SSBP4: variants seen among roughly 807,000 people sequenced by gnomAD.
The protein encoded by SSBP4 is single-stranded DNA-binding protein 4.
In SSBP4, 33 loss-of-function variants were observed where a neutral mutation model predicts 64.6. The ratio of observed to expected loss-of-function variants is 0.51; its 90% CI spans 0.39 to 0.68. The LOEUF is 0.68. SSBP4 is among the 30% of genes least tolerant of loss of function. The pLI is 0.00. For missense variants in SSBP4, 583 were observed against 566.8 expected (o/e 1.03, Z -0.29); for synonymous variants, 243 against 224.0 (o/e 1.08, Z -0.76).
At position 18,431,349 on chromosome 19, in the gene SSBP4, C is replaced by G; in HGVS notation, c.370-4C>G. The G allele has an allele frequency of 2.4e-6, 2 of 842,656 alleles. No individual in the cohort carries two copies. Among genetic ancestry groups the G allele is most frequent in the Non-Finnish European group, 3.8e-6 (2 of 530,184 alleles). 52.2% of individuals were successfully genotyped at this position (842,656 alleles called of 1,614,324 possible). A position where few individuals can be genotyped will look rare whatever the true frequency, so the allele number is the denominator to read the frequency against. ...CCCCCACCCACCTGGTTCTGTCCTC[C>G]TAGGGCCCCCCCGGCTCCCAGCCGT... is the stretch of plus-strand genomic sequence containing the variant. On this transcript the variant is annotated splice_polypyrimidine_tract_variant and splice_region_variant and intron_variant, in intron 5 of 17. Coordinates refer to ENST00000270061, the MANE Select transcript of SSBP4 (RefSeq NM_032627.5).
chr19:18,431,508 G>A, intron 6 of SSBP4, 90 bp downstream of exon 6: 1 of 1,285,558 alleles, frequency 7.8e-7, no homozygotes, highest in Non-Finnish European at 1.1e-6. Context: ...GGTCCTGGCT[G>A]GTGCCAGCTG....
Position 18,431,013 on chromosome 19 carries a change from G to A in SSBP4, c.369+83G>A, listed in dbSNP as rs117019664. The A allele has an allele frequency of 4.8e-3, 7,159 of 1,488,250 alleles. 33 individuals are homozygous for A. The highest frequency in any genetic ancestry group is 5.3e-3 in the Non-Finnish European group (5,852 of 1,094,272). 92.2% of individuals were successfully genotyped at this position (1,488,250 alleles called of 1,614,324 possible). On this transcript the variant is annotated intron_variant, in intron 5 of 17. Transcript: ENST00000270061. ...GTGGGGGGGGTCCCACGTGGGCAGAGGTCATGAGGCCGGCAGGCTGGAGTT... is the reference window on the plus strand; with the variant it reads ...GTGGGGGGGGTCCCACGTGGGCAGAAGTCATGAGGCCGGCAGGCTGGAGTT...
chr19:18,430,256 C>T (rs1410638390), intron 4 of SSBP4, among the ~76,000 whole-genome samples: 1 of 152,136 alleles, frequency 6.6e-6, no homozygotes, highest in Non-Finnish European at 1.5e-5. Context: ...ACCCTGTAGG[C>T]CCCATAGCAG....
the SSBP4 span, among the ~76,000 whole-genome samples, chr19:18,405,138 G>A: frequency 2.0e-5 from 3 of 152,058 alleles, no homozygotes; most frequent in Non-Finnish European, 4.4e-5. Flanking sequence ...GTCCCTCCAG[G>A]CCTCAGCCTG....
At chr19:18,418,408 C>T (rs954425471), upstream of SSBP4, among the ~76,000 whole-genome samples, 1 of 152,230 alleles carries the variant, frequency 6.6e-6, no homozygotes, top group Admixed American at 6.5e-5. This position sits in a 1 kb window ranked among gnomAD's most constrained non-coding sequence, Gnocchi z 6.7. Context: ...CCGCCCCCAC[C>T]CTCTCTGAAC....
At chr19:18,406,979 C>T in the SSBP4 span, among the ~76,000 whole-genome samples, 1 of 152,062 alleles carries the variant, frequency 6.6e-6, no homozygotes, top group Admixed American at 6.6e-5. Context: ...AGGACCCGCA[C>T]CTCAACATCT....
At chr19:18,412,743 G>A in the SSBP4 span, among the ~76,000 whole-genome samples, 1 of 152,124 alleles carries the variant, frequency 6.6e-6, no homozygotes, top group Non-Finnish European at 1.5e-5. Flanking sequence ...GCGCACACCT[G>A]TGGTCCTAGC....
At chr19:18,414,032 C>CAAAAA (rs530358060), upstream of SSBP4, among the ~76,000 whole-genome samples, 2 of 151,158 alleles carry the variant, frequency 1.3e-5, no homozygotes, top group African/African-American at 2.4e-5. Flanking sequence ...AACAAACAAA[C>CAAAAA]AAAAAAAACG....
At chr19:18,404,590 T>G in the SSBP4 span, among the ~76,000 whole-genome samples, 1 of 97,458 alleles carries the variant, frequency 1.0e-5, no homozygotes, top group South Asian at 3.2e-4. Flanking sequence ...CGAGACTCTG[T>G]CTCAAAAAAA....
chr19:18,418,279 C>G (rs1389278864), upstream of SSBP4, among the ~76,000 whole-genome samples: 1 of 152,228 alleles, frequency 6.6e-6, no homozygotes, highest in Non-Finnish European at 1.5e-5. The surrounding 1 kb of genome is among the most constrained non-coding windows in gnomAD (Gnocchi z 6.7). Flanking sequence ...ATAGCCGTGG[C>G]AAACACAGAA....
chr19:18,409,577 C>T, the SSBP4 span, among the ~76,000 whole-genome samples: 8 of 152,078 alleles, frequency 5.3e-5, no homozygotes, highest in Non-Finnish European at 8.8e-5. Flanking sequence ...GTCAAGGAGT[C>T]GGGAGAGTAG....
At position 18,419,623 on chromosome 19, in the gene SSBP4, C is replaced by A; in HGVS notation, c.-26C>A. ...CGCGGCGCCGCCTGACAGGTGTGGGCCCCGGCGGCGGCGGCGTGGAGCAGC... is the reference window on the plus strand; with the variant it reads ...CGCGGCGCCGCCTGACAGGTGTGGGACCCGGCGGCGGCGGCGTGGAGCAGC... On this transcript the variant is annotated 5_prime_UTR_variant, in exon 1 of 18. Coordinates refer to ENST00000270061, the MANE Select transcript of SSBP4 (RefSeq NM_032627.5). The A allele has an allele frequency of 7.9e-7, 1 of 1,263,124 alleles. No homozygotes were observed. The highest frequency in any genetic ancestry group is 2.1e-5 in the South Asian group (1 of 48,456). The allele number at this position is 1,263,124 out of a possible 1,614,324, so 78.2% of individuals were successfully genotyped here.
chr19:18,434,261 C>A lies in SSBP4; in HGVS notation c.*15C>A. ...TGAGCGTGTGATGGGGCGGCAGCCC[C>A]GGGCCTCTCTGCGGGCCTAGGCTTC... is the stretch of plus-strand genomic sequence containing the variant. On this transcript the variant is annotated 3_prime_UTR_variant, in exon 18 of 18. Transcript: ENST00000270061. The A allele has an allele frequency of 6.2e-7, 1 of 1,610,886 alleles. No homozygotes were observed.
rs377079447 is a variant in SSBP4, at chr19:18,427,308, G to A, written c.60-43G>A. The A allele has an allele frequency of 3.8e-6, 6 of 1,599,974 alleles. No homozygotes were observed. The highest frequency in any genetic ancestry group is 1.7e-5 in the Admixed American group (1 of 59,610). On this transcript the variant is annotated intron_variant, in intron 1 of 17. Transcript: ENST00000270061. This position sits in a 1 kb window ranked among gnomAD's most constrained non-coding sequence, Gnocchi z 4.4. The stretch of plus-strand genomic sequence containing the variant: ...TGGAGGGGCTTTGGGGTGGGCCCTT[G>A]CCTTGGAGAGTCTGAGCTCCCTGGG...
chr19:18,413,631 C>T, the SSBP4 span, among the ~76,000 whole-genome samples: 2 of 152,166 alleles, frequency 1.3e-5, no homozygotes, highest in Non-Finnish European at 2.9e-5. Flanking sequence ...GGGAAGGGCC[C>T]TGCAGGGGGT....
chr19:18,426,727 C>A lies in SSBP4; in HGVS notation c.60-624C>A, dbSNP rs1242361515. ...GAGCCCTGTGGGTGTTTGGGTAGGGCAGCACCACTGCAGACATGGCACTGC... is the reference window on the plus strand; with the variant it reads ...GAGCCCTGTGGGTGTTTGGGTAGGGAAGCACCACTGCAGACATGGCACTGC... On this transcript the variant is annotated intron_variant, in intron 1 of 17. Transcript: ENST00000270061. This position sits in a 1 kb window ranked among gnomAD's most constrained non-coding sequence, Gnocchi z 4.5. 6.6e-6 allele frequency among the ~76,000 whole-genome samples: 1 copy of A among 152,122 alleles called. No homozygotes were observed. Among genetic ancestry groups the A allele is most frequent in the African/African-American group, 2.4e-5 (1 of 41,406 alleles).
At chr19:18,422,332 T>G (rs2144692339) in intron 1 of SSBP4, among the ~76,000 whole-genome samples, 1 of 151,906 alleles carries the variant, frequency 6.6e-6, no homozygotes, top group Middle Eastern at 3.4e-3. Flanking sequence ...CCAGCAGAGG[T>G]GCTTTGGGGA....
chr19:18,422,912 C>T (rs1415901305), intron 1 of SSBP4, among the ~76,000 whole-genome samples: 2 of 152,274 alleles, frequency 1.3e-5, no homozygotes, highest in Non-Finnish European at 2.9e-5. Context: ...CCTTCCTTCT[C>T]TCTCTGGCCC....
At chr19:18,422,470 G>C in intron 1 of SSBP4, among the ~76,000 whole-genome samples, 1 of 152,206 alleles carries the variant, frequency 6.6e-6, no homozygotes, top group East Asian at 1.9e-4. Flanking sequence ...ATAAGTGTTG[G>C]TTTGGAGGTG....
Sources: allele counts gnomAD v4.1 joint callset (sites outside exome capture counted in the v4.1 genomes callset), GRCh38; gene constraint gnomAD v4.1.1; non-coding constraint Gnocchi (gnomAD v3.1); transcripts MANE v1.5; gene names NCBI Gene and HGNC (gene_info 2026-07-23, HGNC 2026-07-21).